Variants in NTF3 observed in about 807,000 individuals in gnomAD.
NTF3 encodes neurotrophin-3.
NTF3 carries 8 observed loss-of-function variants against 26.3 expected under a neutral mutation model. That is an observed-to-expected ratio of 0.30 (90% confidence interval 0.18 to 0.55). The LOEUF (loss-of-function observed/expected upper bound fraction) is 0.55. NTF3 is among the 20% of genes least tolerant of loss of function. The probability of loss-of-function intolerance (pLI) is 0.93; values close to 1 mark genes in which losing one functional copy is unlikely to be tolerated. For missense variants in NTF3, 276 were observed against 352.9 expected, an observed-to-expected ratio of 0.78 and a Z score of 1.75; for synonymous variants, 154 against 145.5, an observed-to-expected ratio of 1.06 and a Z score of -0.42.
At chr12:5,484,992 A>G (rs1418193087) in intron 1 of NTF3, among the ~76,000 whole-genome samples, 1 of 152,242 alleles carries the variant, frequency 6.6e-6, no homozygotes, top group East Asian at 1.9e-4. Context: ...ATCTGTGAAA[A>G]CAAAAGAATC....
intron 1 of NTF3, among the ~76,000 whole-genome samples, chr12:5,466,517 T>C (rs1272475550): frequency 1.3e-5 from 2 of 152,222 alleles, no homozygotes; most frequent in Non-Finnish European, 2.9e-5. Context: ...TGATCCAGAC[T>C]TTCCTAGCCA....
intron 1 of NTF3, among the ~76,000 whole-genome samples, chr12:5,481,638 T>TC (rs1555072939): frequency 0.48 from 68,071 of 140,576 alleles, 15,692 homozygotes; most frequent in African/African-American, 0.54. Context: ...CATGCACACA[T>TC]ACAGATATAC....
chr12:5,484,019 G>A (rs1167260940), intron 1 of NTF3, among the ~76,000 whole-genome samples: 1 of 152,226 alleles, frequency 6.6e-6, no homozygotes, highest in Non-Finnish European at 1.5e-5. Flanking sequence ...CAGACATGCT[G>A]TGTTGGTCAG....
chr12:5,452,079 C>T (rs932387752), intron 1 of NTF3, among the ~76,000 whole-genome samples: 4 of 146,356 alleles, frequency 2.7e-5, no homozygotes, highest in African/African-American at 7.5e-5. Context: ...ACGTATCTCC[C>T]CATGTCTTTT....
At chr12:5,467,940 C>G (rs549092149) in intron 1 of NTF3, among the ~76,000 whole-genome samples, 2 of 152,216 alleles carry the variant, frequency 1.3e-5, no homozygotes, top group African/African-American at 4.8e-5. Flanking sequence ...TCCCTTTCCC[C>G]AAACTCTGTC....
rs1325886880 is a variant in NTF3 at position 5,487,899 on chromosome 12, GTGACTTTAGAGCA to G, written c.19-6292_19-6280del. On this transcript the variant is annotated intron_variant, in intron 1 of 1. Coordinates refer to ENST00000423158, the MANE Select transcript of NTF3 (RefSeq NM_001102654.2). Reference sequence around the variant, plus strand: ...GCTCACTGACTGCTTCTAGTTTTCCGTGACTTTAGAGCATGTGCGTCAGCAGGTTTTGGGGACC... The same window carrying G: ...GCTCACTGACTGCTTCTAGTTTTCCGTGTGCGTCAGCAGGTTTTGGGGACC... 3.9e-5 allele frequency among the ~76,000 whole-genome samples: 6 copies of G among 152,272 alleles called. No homozygotes were observed. In the East Asian group the frequency reaches 1.2e-3, roughly 29 times the overall value.
intron 1 of NTF3, among the ~76,000 whole-genome samples, chr12:5,492,275 T>C (rs1261786632): frequency 6.6e-6 from 1 of 152,228 alleles, no homozygotes; most frequent in Admixed American, 6.5e-5. Context: ...TCACTAACCA[T>C]ACTTGATTTA....
At chr12:5,480,430 T>C (rs1394273315) in intron 1 of NTF3, among the ~76,000 whole-genome samples, 1 of 152,168 alleles carries the variant, frequency 6.6e-6, no homozygotes, top group African/African-American at 2.4e-5. Context: ...GCAAATAAAG[T>C]GGCAAGCTCA....
At chr12:5,431,998 G>C (rs1345826611), upstream of NTF3, 1 of 150,198 alleles carries the variant, frequency 6.7e-6, no homozygotes, top group Non-Finnish European at 1.5e-5. Context: ...CGCGCGGCGC[G>C]GCGCGGGCCG....
At chr12:5,444,220 C>CA (rs565521924) in intron 1 of NTF3, among the ~76,000 whole-genome samples, 5 of 152,140 alleles carry the variant, frequency 3.3e-5, no homozygotes, top group South Asian at 4.2e-4. Context: ...TGGACAAAGA[C>CA]AAAAAAATAT....
At chr12:5,479,557 G>T (rs1435780423) in intron 1 of NTF3, among the ~76,000 whole-genome samples, 2 of 152,202 alleles carry the variant, frequency 1.3e-5, no homozygotes, top group Admixed American at 1.3e-4. Context: ...AAGACTGCAG[G>T]ATCAGGAGTC....
At chr12:5,442,674 G>A (rs892070043) in intron 1 of NTF3, among the ~76,000 whole-genome samples, 44 of 152,042 alleles carry the variant, frequency 2.9e-4, no homozygotes, top group Admixed American at 2.6e-3. Context: ...TAATAGATCC[G>A]GACACCAGGA....
At chr12:5,469,869 T>G (rs1225808468) in intron 1 of NTF3, among the ~76,000 whole-genome samples, 2 of 152,186 alleles carry the variant, frequency 1.3e-5, no homozygotes, top group Non-Finnish European at 2.9e-5. Flanking sequence ...AGGGACCCTG[T>G]TTCCCTTTGA....
intron 1 of NTF3, among the ~76,000 whole-genome samples, chr12:5,466,443 C>T (rs897740129): frequency 8.5e-5 from 13 of 152,192 alleles, no homozygotes; most frequent in Admixed American, 4.6e-4. Context: ...GTCCTGCCAG[C>T]CCCAAGGGTG....
At chr12:5,440,865 C>A (rs1186748817) in intron 1 of NTF3, among the ~76,000 whole-genome samples, 1 of 152,224 alleles carries the variant, frequency 6.6e-6, no homozygotes, top group Non-Finnish European at 1.5e-5. Flanking sequence ...GGTAACCCTG[C>A]TGGCCTAGAG....
At chr12:5,479,924 C>G (rs1333184720) in intron 1 of NTF3, among the ~76,000 whole-genome samples, 1 of 152,184 alleles carries the variant, frequency 6.6e-6, no homozygotes, top group African/African-American at 2.4e-5. Context: ...AGGTCATGGG[C>G]TTGCCTCATT....
chr12:5,486,724 A>G (rs1002071056), intron 1 of NTF3, among the ~76,000 whole-genome samples: 4 of 152,224 alleles, frequency 2.6e-5, no homozygotes, highest in Admixed American at 1.3e-4. Flanking sequence ...TCACACTTAG[A>G]GATTGGAGTA....
chr12:5,430,420 C>A (rs1426769094), upstream of NTF3, among the ~76,000 whole-genome samples: 1 of 151,812 alleles, frequency 6.6e-6, no homozygotes, highest in Non-Finnish European at 1.5e-5. Flanking sequence ...GATATTTTGG[C>A]ACGAGGGGAG....
chr12:5,481,879 C>T (rs1284113195), intron 1 of NTF3, among the ~76,000 whole-genome samples: 1 of 151,758 alleles, frequency 6.6e-6, no homozygotes, highest in Non-Finnish European at 1.5e-5. Context: ...AGACATCACA[C>T]ATGCATACAT....
Sources: allele counts gnomAD v4.1 joint callset (sites outside exome capture counted in the v4.1 genomes callset), GRCh38; gene constraint gnomAD v4.1.1; transcripts MANE v1.5; gene names NCBI Gene and HGNC (gene_info 2026-07-23, HGNC 2026-07-21).